Variants in RAP1GAP2 observed in about 807,000 individuals in gnomAD.
RAP1GAP2 encodes rap1 GTPase-activating protein 2.
Under a neutral mutation model 95.0 loss-of-function variants are expected in RAP1GAP2, and 27 were observed. The ratio of observed to expected loss-of-function variants is 0.28; its 90% CI spans 0.21 to 0.39. The LOEUF (loss-of-function observed/expected upper bound fraction) is 0.39. Ranked by LOEUF, RAP1GAP2 falls within the 10% of genes least tolerant of loss-of-function variation. The pLI is 1.00. For missense variants in RAP1GAP2, 771 were observed against 970.0 expected, an observed-to-expected ratio of 0.79 and a Z score of 2.72; for synonymous variants, 373 against 380.9, an observed-to-expected ratio of 0.98 and a Z score of 0.24.
Position 2,855,101 on chromosome 17 carries a change from G to A in RAP1GAP2, c.81-50183G>A, listed in dbSNP as rs1319024412. Among the ~76,000 whole-genome samples the A allele has an allele frequency of 6.6e-6, 1 of 152,184 alleles. No individual in the cohort carries two copies. Among genetic ancestry groups the A allele is most frequent in the Admixed American group, 6.5e-5 (1 of 15,278 alleles). On this transcript the variant is annotated intron_variant, in intron 2 of 24. Transcript: ENST00000254695. The surrounding 1 kb of genome is among the most constrained non-coding windows in gnomAD (Gnocchi z 4.3). The stretch of plus-strand genomic sequence containing the variant: ...ATGAACGTACCTGGGGTGGTGGTAG[G>A]CAGGGAATACGGGGGACTTTGAGAA...
chr17:2,810,424 A>G (rs2069713803), intron 2 of RAP1GAP2, among the ~76,000 whole-genome samples: 1 of 150,430 alleles, frequency 6.6e-6, no homozygotes, highest in Admixed American at 6.6e-5. Flanking sequence ...GGTTTGTTAC[A>G]TATGTATACA....
At chr17:2,986,785 T>C (rs2151552420) in intron 11 of RAP1GAP2, among the ~76,000 whole-genome samples, 1 of 152,258 alleles carries the variant, frequency 6.6e-6, no homozygotes, top group South Asian at 2.1e-4. Context: ...GCAATACTAC[T>C]ACTCTCAGGC....
chr17:2,921,444 C>T (rs539122858), intron 3 of RAP1GAP2, among the ~76,000 whole-genome samples: 2 of 152,242 alleles, frequency 1.3e-5, no homozygotes, highest in African/African-American at 2.4e-5. Flanking sequence ...CTCAGGTGAT[C>T]CACCCGCCTC....
chr17:2,895,208 G>GT (rs1189767036), intron 2 of RAP1GAP2, among the ~76,000 whole-genome samples: 2 of 152,362 alleles, frequency 1.3e-5, no homozygotes, highest in East Asian at 3.9e-4. Context: ...TCAAAGCTCA[G>GT]TAAGTGACTG....
chr17:2,847,800 C>T (rs191652778), intron 2 of RAP1GAP2, among the ~76,000 whole-genome samples: 4 of 152,156 alleles, frequency 2.6e-5, no homozygotes, highest in Admixed American at 1.3e-4. Flanking sequence ...GCCACCCAGC[C>T]CTCAGCCTCA....
At chr17:2,801,484 AAAAG>A (rs1208722811) in intron 2 of RAP1GAP2, among the ~76,000 whole-genome samples, 3 of 151,036 alleles carry the variant, frequency 2.0e-5, no homozygotes, top group Non-Finnish European at 3.0e-5. Flanking sequence ...CAAAAAAAAA[AAAAG>A]AAAGATAATT....
chr17:3,006,227 C>T (rs893412118), intron 16 of RAP1GAP2, among the ~76,000 whole-genome samples, 186 bp downstream of exon 16: 3 of 150,254 alleles, frequency 2.0e-5, no homozygotes, highest in Non-Finnish European at 4.4e-5. Context: ...CTCCCGGGCT[C>T]AAGTGATTCT....
At chr17:2,765,887 T>C (rs1199755677) in intron 1 of RAP1GAP2, among the ~76,000 whole-genome samples, 2 of 152,172 alleles carry the variant, frequency 1.3e-5, no homozygotes, top group East Asian at 3.8e-4. Flanking sequence ...GAGAATTGCT[T>C]GAACCCGGGA....
At position 3,008,859 on chromosome 17, in the gene RAP1GAP2, C is replaced by T. The variant is rs2046417756; in HGVS notation, c.1494+714C>T. ...CCTGGCTGTCAGCCTGTGCAGGTGG[C>T]GGAACGGGTCTTGTTATATTCACGA... On this transcript the variant is annotated intron_variant, in intron 17 of 24. Coordinates refer to ENST00000254695, the MANE Select transcript of RAP1GAP2 (RefSeq NM_015085.5). The surrounding 1 kb of genome is among the most constrained non-coding windows in gnomAD (Gnocchi z 4.2). Among the ~76,000 whole-genome samples the T allele has an allele frequency of 1.3e-5, 2 of 152,120 alleles. No individual in the cohort carries two copies. Among genetic ancestry groups the T allele is most frequent in the South Asian group, 2.1e-4 (1 of 4,826 alleles).
chr17:2,913,711 C>T (rs1448163531), intron 3 of RAP1GAP2, among the ~76,000 whole-genome samples: 2 of 152,194 alleles, frequency 1.3e-5, no homozygotes, highest in Non-Finnish European at 2.9e-5. Context: ...TATACTTTGA[C>T]TAATGATACA....
rs1478053725 is a variant in RAP1GAP2, at chr17:2,867,480, C to T, written c.81-37804C>T. The stretch of plus-strand genomic sequence containing the variant: ...ATGGCTGCCCTGGGCTGACCTTCTA[C>T]CCACTTAGCAATACCAACAGGAAGA... On this transcript the variant is annotated intron_variant, in intron 2 of 24. Transcript: ENST00000254695. The surrounding 1 kb of genome is among the most constrained non-coding windows in gnomAD (Gnocchi z 4.5). 6.6e-6 allele frequency among the ~76,000 whole-genome samples: 1 copy of T among 152,108 alleles called. No homozygotes were observed. The highest frequency in any genetic ancestry group is 1.5e-5 in the Non-Finnish European group (1 of 68,020).
intron 8 of RAP1GAP2, among the ~76,000 whole-genome samples, chr17:2,969,179 C>CTATCTATCTATCTATA (rs1555581850): frequency 9.4e-4 from 135 of 143,220 alleles, no homozygotes; most frequent in Middle Eastern, 3.5e-3. Flanking sequence ...ATCTATCTAT[C>CTATCTATCTATCTATA]TATATATATA....
chr17:2,809,013 C>T (rs966968725), intron 2 of RAP1GAP2, among the ~76,000 whole-genome samples: 3 of 152,224 alleles, frequency 2.0e-5, no homozygotes, highest in South Asian at 2.1e-4. Context: ...AGCGCTTAGC[C>T]GGTGGTTGGC....
intron 12 of RAP1GAP2, among the ~76,000 whole-genome samples, chr17:2,994,672 G>T (rs751774741): frequency 2.5e-4 from 38 of 152,236 alleles, no homozygotes; most frequent in Non-Finnish European, 5.3e-4. Context: ...GCAAAGAAAG[G>T]CCGGCGCCCC....
At chr17:2,889,880 TATATA>T (rs2073636199) in intron 2 of RAP1GAP2, among the ~76,000 whole-genome samples, 2 of 82,014 alleles carry the variant, frequency 2.4e-5, no homozygotes, top group African/African-American at 1.1e-4. Context: ...TATATATATA[TATATA>T]TATATTTTTT....
At chr17:2,978,841 G>A (rs993873863) in intron 8 of RAP1GAP2, among the ~76,000 whole-genome samples, 4 of 151,946 alleles carry the variant, frequency 2.6e-5, no homozygotes, top group Admixed American at 6.6e-5. Context: ...AGCCTAAGGC[G>A]GGAGAATCTC....
intron 17 of RAP1GAP2, 74 bp from the exon 18 acceptor site, chr17:3,017,987 A>T (rs2046831491): frequency 1.4e-6 from 2 of 1,479,642 alleles, no homozygotes; most frequent in Non-Finnish European, 1.8e-6. Flanking sequence ...CTGTGTCTAC[A>T]GACCCCACGA....
chr17:3,005,262 G>A lies in RAP1GAP2; in HGVS notation c.1201-107G>A, dbSNP rs2046297301. 3 of 1,100,066 alleles carry A rather than the reference G, an allele frequency of 2.7e-6. No individual in the cohort carries two copies. The highest frequency in any genetic ancestry group is 4.2e-6 in the Non-Finnish European group (3 of 712,724). The allele number at this position is 1,100,066 out of a possible 1,614,324, so 68.1% of individuals were successfully genotyped here. On this transcript the variant is annotated intron_variant, in intron 14 of 24. Coordinates refer to ENST00000254695, the MANE Select transcript of RAP1GAP2 (RefSeq NM_015085.5). This position sits in a 1 kb window ranked among gnomAD's most constrained non-coding sequence, Gnocchi z 5.2. Reference sequence around the variant, plus strand: ...CAGGAGTATTTTGTTTGTGTTCTGGGAAGAGGAGGAGGGAGAAGGTGAGTA... The same window carrying A: ...CAGGAGTATTTTGTTTGTGTTCTGGAAAGAGGAGGAGGGAGAAGGTGAGTA...
intron 2 of RAP1GAP2, among the ~76,000 whole-genome samples, chr17:2,864,978 C>A (rs955970952): frequency 6.6e-6 from 1 of 152,210 alleles, no homozygotes; most frequent in Non-Finnish European, 1.5e-5. Context: ...TCACTTACCT[C>A]ATTTCATTCT....
Sources: gnomAD v4.1 joint callset for allele counts (sites outside exome capture counted in the v4.1 genomes callset) on GRCh38, gnomAD v4.1.1 for gene constraint, Gnocchi (gnomAD v3.1) non-coding constraint, MANE v1.5 for transcripts, NCBI Gene and HGNC (gene_info 2026-07-23, HGNC 2026-07-21) for gene names.